The following STK3 variants were observed in gnomAD, a reference collection of about 807,000 sequenced individuals.
STK3 encodes serine/threonine kinase 3.
STK3 carries 41 observed loss-of-function variants against 58.0 expected under a neutral mutation model. The observed-to-expected ratio is 0.71, with a 90% CI of 0.55 to 0.92. STK3 has a LOEUF of 0.92. Ranked by LOEUF, STK3 falls within the 40% of genes least tolerant of loss-of-function variation. The pLI, the probability that STK3 is intolerant of heterozygous loss-of-function variation, is 0.00. For missense variants in STK3, 479 were observed against 602.7 expected (o/e 0.79, Z 2.15); for synonymous variants, 170 against 191.0 (o/e 0.89, Z 0.91).
chr8:98,382,703 C>G (rs1056048918), intron 1 of STK3, among the ~76,000 whole-genome samples: 1 of 152,156 alleles, frequency 6.6e-6, no homozygotes, highest in African/African-American at 2.4e-5. Flanking sequence ...GCCTGGAAAG[C>G]GGCCTGACAG....
chr8:98,915,489 C>T (rs1193141906), intron 1 of STK3, among the ~76,000 whole-genome samples: 2 of 128,638 alleles, frequency 1.6e-5, no homozygotes, highest in Admixed American at 1.7e-4. Flanking sequence ...CTCTAAAGAA[C>T]CCTAATACAA....
intron 10 of STK3, among the ~76,000 whole-genome samples, chr8:98,491,191 G>C (rs541198401): frequency 1.0e-3 from 158 of 151,454 alleles, no homozygotes; most frequent in Middle Eastern, 6.8e-3. Flanking sequence ...GAGAGAGAGA[G>C]AGAGAGAGAC....
At chr8:98,427,878 G>A in intron 3 of STK3, 2 of 985,178 alleles carry the variant, frequency 2.0e-6, no homozygotes, top group East Asian at 2.6e-5. Context: ...AATGGGTAGG[G>A]AGAGGGGGCC....
chr8:98,883,436 A>T (rs908577618), downstream of STK3: 4 of 501,936 alleles, frequency 8.0e-6, no homozygotes, highest in Non-Finnish European at 1.4e-5. Context: ...AATTTCATCG[A>T]AACTATCTAA....
chr8:98,567,562 T>C (rs1291096753), intron 8 of STK3, among the ~76,000 whole-genome samples: 2 of 152,326 alleles, frequency 1.3e-5, no homozygotes, highest in East Asian at 3.9e-4. Flanking sequence ...CCTGATTCCT[T>C]GTAATGCTAC....
rs545643657 is a variant in STK3 at position 98,526,837 on chromosome 8, C to T, written c.1222G>A (p.Glu408Lys). ...DKQDFKNKSHENCNQNMHEPF... is the reference protein window; with the variant it reads ...DKQDFKNKSHKNCNQNMHEPF... ...TCATGCATGTTCTGATTACAGTTTT[C>T]GTGACTCTTATTCTTGAAGTCTTGC... is the stretch of plus-strand genomic sequence containing the variant. Residue 408 changes from glutamate to lysine, a missense_variant, in exon 10 of 11, where the codon GAA becomes AAA. Coordinates refer to ENST00000419617, the MANE Select transcript of STK3 (RefSeq NM_006281.4). 75 of 1,600,320 alleles carry T rather than the reference C, an allele frequency of 4.7e-5. 2 individuals carry two copies. In the East Asian group the frequency reaches 1.2e-3, roughly 26 times the overall value.
chr8:98,424,827 G>A (rs1387052601), intron 3 of STK3, among the ~76,000 whole-genome samples: 1 of 152,240 alleles, frequency 6.6e-6, no homozygotes, highest in Non-Finnish European at 1.5e-5. Flanking sequence ...AAGGCCAAGG[G>A]AATGGGAGCG....
chr8:98,456,838 T>C lies in STK3; in HGVS notation c.1318-838A>G, dbSNP rs577944697. 7.2e-5 allele frequency among the ~76,000 whole-genome samples: 11 copies of C among 152,352 alleles called. No homozygotes were observed. In the South Asian group the frequency reaches 8.3e-4, roughly 11 times the overall value. On this transcript the variant is annotated intron_variant, in intron 10 of 10. Coordinates refer to ENST00000419617, the MANE Select transcript of STK3 (RefSeq NM_006281.4). ...AGCTAGGAAAAATACTCATTACTTA[T>C]AGTCATCCAAAGTAGCATTTCTCAG...
chr8:98,603,486 C>T (rs565691126), intron 6 of STK3: 2 of 152,340 alleles, frequency 1.3e-5, no homozygotes, highest in Admixed American at 6.5e-5. Flanking sequence ...ATCTGCCCAC[C>T]TTGGCCTCCC....
rs186902456 is a variant in STK3 at position 98,885,892 on chromosome 8, T to C, written c.-78-2058A>G. On this transcript the variant is annotated intron_variant, in intron 1 of 1. Coordinates refer to the STK3 transcript ENST00000519420. ...CTCAGCAGTAAAAAGGAACACGTTATTGATATGCACAACTCCTCCAATGGA... is the reference window on the plus strand; with the variant it reads ...CTCAGCAGTAAAAAGGAACACGTTACTGATATGCACAACTCCTCCAATGGA... Among the ~76,000 whole-genome samples the C allele has an allele frequency of 1.2e-4, 18 of 152,328 alleles. 1 individual carries two copies. The East Asian group carries it at 3.5e-3, about 29-fold the overall frequency.
downstream of STK3, among the ~76,000 whole-genome samples, chr8:98,366,478 C>A (rs966077146): frequency 6.6e-6 from 1 of 152,154 alleles, no homozygotes; most frequent in African/African-American, 2.4e-5. Context: ...TAAAAACATT[C>A]TCTTGAGCAT....
intron 3 of STK3, chr8:98,427,513 T>C (rs1254491371): frequency 7.0e-6 from 1 of 143,508 alleles, no homozygotes; most frequent in Non-Finnish European, 1.5e-5. Flanking sequence ...GCGGCCCGGG[T>C]TTCCAGACTC....
intron 1 of STK3, among the ~76,000 whole-genome samples, chr8:98,918,491 C>T (rs550443827): frequency 2.6e-5 from 4 of 152,252 alleles, no homozygotes; most frequent in Non-Finnish European, 4.4e-5. Flanking sequence ...AAAAGAAGAT[C>T]GGGTGTGGTG....
chr8:98,600,036 G>C (rs1446490415), intron 6 of STK3, among the ~76,000 whole-genome samples: 1 of 152,154 alleles, frequency 6.6e-6, no homozygotes, highest in Non-Finnish European at 1.5e-5. Flanking sequence ...GAAATATACA[G>C]AAATTTTGAA....
intron 6 of STK3, among the ~76,000 whole-genome samples, chr8:98,687,963 CA>C (rs1362702032): frequency 6.6e-6 from 1 of 152,146 alleles, no homozygotes; most frequent in African/African-American, 2.4e-5. Flanking sequence ...CTAAATGGCC[CA>C]CTTAAAAGAC....
At chr8:98,495,704 CAATTTTCCA>C (rs1333404324) in intron 10 of STK3, among the ~76,000 whole-genome samples, 1 of 152,134 alleles carries the variant, frequency 6.6e-6, no homozygotes, top group East Asian at 1.9e-4. Flanking sequence ...CATGCAATAG[CAATTTTCCA>C]AATGTGATCA....
chr8:98,699,155 G>T (rs1444618518), intron 6 of STK3, among the ~76,000 whole-genome samples: 3 of 151,898 alleles, frequency 2.0e-5, no homozygotes, highest in Non-Finnish European at 4.4e-5. Context: ...TGATCGCATC[G>T]GCTCCTGAGG....
chr8:98,904,963 C>G, intron 1 of STK3: 1 of 721,744 alleles, frequency 1.4e-6, no homozygotes, highest in South Asian at 1.3e-5. Context: ...GCTGCCGCTG[C>G]TGCTACTGCC....
At chr8:98,440,483 T>C (rs1329201419) in intron 1 of STK3, among the ~76,000 whole-genome samples, 3 of 152,210 alleles carry the variant, frequency 2.0e-5, no homozygotes, top group Admixed American at 1.3e-4. Context: ...ACAAAAACTC[T>C]GTGCCCAGTA....
Sources: gnomAD v4.1 joint callset for allele counts (sites outside exome capture counted in the v4.1 genomes callset) on GRCh38, gnomAD v4.1.1 for gene constraint, MANE v1.5 for transcripts, NCBI Gene and HGNC (gene_info 2026-07-23, HGNC 2026-07-21) for gene names.